Variants in MFGE8 observed in about 807,000 individuals in gnomAD.
The protein encoded by MFGE8 is lactadherin.
In MFGE8, 34 loss-of-function variants were observed where a neutral mutation model predicts 42.6. The observed-to-expected ratio is 0.80, with a 90% CI of 0.61 to 1.06. MFGE8 has a LOEUF of 1.06. MFGE8 is among the 50% of genes least tolerant of loss of function. MFGE8 has a pLI of 0.00. For missense variants in MFGE8, 510 were observed against 516.9 expected (o/e 0.99, Z 0.13); for synonymous variants, 230 against 214.8 (o/e 1.07, Z -0.62).
chr15:88,909,298 C>T (rs151095012), intron 2 of MFGE8, among the ~76,000 whole-genome samples: 471 of 152,380 alleles, frequency 3.1e-3, no homozygotes, highest in Middle Eastern at 0.02. Flanking sequence ...TCTCCCTTCT[C>T]CCCGAGCTCT....
intron 6 of MFGE8, among the ~76,000 whole-genome samples, chr15:88,901,325 A>ACACATT: frequency 1.6e-5 from 2 of 125,282 alleles, no homozygotes; most frequent in African/African-American, 2.7e-5. Flanking sequence ...ACATTCACAC[A>ACACATT]CACACACACA....
At chr15:88,912,778 A>T (rs1899028052) in intron 1 of MFGE8, 1 of 985,256 alleles carries the variant, frequency 1.0e-6, no homozygotes, top group Admixed American at 6.1e-5. Context: ...GGCACGGACA[A>T]TTGGGAGCGC....
Position 88,906,076 on chromosome 15 carries a change from G to C in MFGE8, c.541-175C>G, listed in dbSNP as rs1041031807. On this transcript the variant is annotated intron_variant, in intron 4 of 7. Transcript: ENST00000268150. This position sits in a 1 kb window ranked among gnomAD's most constrained non-coding sequence, Gnocchi z 4.2. The stretch of plus-strand genomic sequence containing the variant: ...GCAGCCTCTCCTTTGGCCACCCCAC[G>C]GCCCTCCACAAAGATTCTCCTCTCA... 4 of 691,220 alleles carry C rather than the reference G, an allele frequency of 5.8e-6. No individual in the cohort carries two copies. Among genetic ancestry groups the C allele is most frequent in the Non-Finnish European group, 1.0e-5 (4 of 400,972 alleles). The allele number at this position is 691,220 out of a possible 1,614,324, so 42.8% of individuals were successfully genotyped here. A position where few individuals can be genotyped will look rare whatever the true frequency, so the allele number is the denominator to read the frequency against.
rs1596185065 is a variant in MFGE8 at position 88,898,819 on chromosome 15, C to T, written c.*576G>A. The T allele has an allele frequency of 1.2e-5, 2 of 170,478 alleles. No homozygotes were observed. Among genetic ancestry groups the T allele is most frequent in the East Asian group, 1.5e-4 (1 of 6,654 alleles). The allele number at this position is 170,478 out of a possible 1,614,324, so 10.6% of individuals were successfully genotyped here. A position where few individuals can be genotyped will look rare whatever the true frequency, so the allele number is the denominator to read the frequency against. ...CTCGCTCCCTTTCTCCCCATAGACCCGCCCCACCCCCTTCTGTGTCGCTGG... is the reference window on the plus strand; with the variant it reads ...CTCGCTCCCTTTCTCCCCATAGACCTGCCCCACCCCCTTCTGTGTCGCTGG... On this transcript the variant is annotated 3_prime_UTR_variant, in exon 8 of 8. Transcript: ENST00000268150.
chr15:88,906,939 C>A lies in MFGE8; in HGVS notation c.388-161G>T, dbSNP rs1482328120. On this transcript the variant is annotated intron_variant, in intron 3 of 7. Coordinates refer to ENST00000268150, the MANE Select transcript of MFGE8 (RefSeq NM_005928.4). This position sits in a 1 kb window ranked among gnomAD's most constrained non-coding sequence, Gnocchi z 4.2. ...CACTGCCCGCACAAAGGGCTTTCTT[C>A]TTCTGCCCAGGCCTCCAGAGGCCTC... Among the ~76,000 whole-genome samples, 1 of 152,200 alleles carries A rather than the reference C, an allele frequency of 6.6e-6. No individual in the cohort carries two copies. Among genetic ancestry groups the A allele is most frequent in the African/African-American group, 2.4e-5 (1 of 41,448 alleles).
intron 2 of MFGE8, among the ~76,000 whole-genome samples, 156 bp downstream of exon 2, chr15:88,909,636 G>T (rs1488027469): frequency 6.6e-6 from 1 of 152,198 alleles, no homozygotes; most frequent in Non-Finnish European, 1.5e-5. Context: ...CTGAGGCTCT[G>T]TCTCTCTCTC....
chr15:88,909,901 G>A lies in MFGE8; in HGVS notation c.96C>T (p.Cys32=). 6.2e-7 allele frequency: 1 copy of A among 1,614,200 alleles called. No homozygotes were observed. The highest frequency in any genetic ancestry group is 8.5e-7 in the Non-Finnish European group (1 of 1,180,018). ...VALDICSKNP[C]HNGGLCEEIS... ...TCTCCTCGCATAAACCACCGTTGTG[G>A]CAGGGGTTTTTGGAACAGATATCTG... Residue 32 remains cysteine (C), a synonymous_variant, in exon 2 of 8, where the codon TGC becomes TGT. Coordinates refer to ENST00000268150, the MANE Select transcript of MFGE8 (RefSeq NM_005928.4).
intron 3 of MFGE8, 128 bp downstream of exon 3, chr15:88,907,067 T>A: frequency 8.2e-7 from 1 of 1,224,768 alleles, no homozygotes; most frequent in Non-Finnish European, 1.2e-6. Flanking sequence ...AGATACTTCA[T>A]CCATGGGAAC....
Position 88,899,651 on chromosome 15 carries a change from C to G in MFGE8, c.1026+5G>C, listed in dbSNP as rs375453177. 1 of 1,613,152 alleles carries G rather than the reference C, an allele frequency of 6.2e-7. No individual in the cohort carries two copies. Among genetic ancestry groups the G allele is most frequent in the Non-Finnish European group, 8.5e-7 (1 of 1,179,076 alleles). On this transcript the variant is annotated splice_donor_5th_base_variant and intron_variant, in intron 7 of 7. Coordinates refer to ENST00000268150, the MANE Select transcript of MFGE8 (RefSeq NM_005928.4). This position sits in a 1 kb window ranked among gnomAD's most constrained non-coding sequence, Gnocchi z 6.8. ...CAAAGGGTGGGCAGCTGGACAGACA[C>G]CCACCTTACTGCTGCCAGTCCTGGG...
At chr15:88,907,166 C>A in intron 3 of MFGE8, 29 bp downstream of exon 3, 1 of 1,601,424 alleles carries the variant, frequency 6.2e-7, no homozygotes, top group Non-Finnish European at 8.5e-7. Context: ...CTCTCCATTG[C>A]CCCGCCCCAG....
At chr15:88,908,316 C>T (rs761562844) in intron 2 of MFGE8, among the ~76,000 whole-genome samples, 4 of 152,148 alleles carry the variant, frequency 2.6e-5, no homozygotes, top group Non-Finnish European at 4.4e-5. Context: ...GGGAGGGGAA[C>T]GCGCAAAGTG....
chr15:88,910,068 G>A (rs1427045673), intron 1 of MFGE8, 145 bp from the exon 2 acceptor site: 7 of 1,073,270 alleles, frequency 6.5e-6, no homozygotes, highest in African/African-American at 1.6e-5. Flanking sequence ...CCCGTGTGCT[G>A]GATGGAGCCT....
Position 88,899,797 on chromosome 15 carries a change from G to A in MFGE8, c.885C>T (p.Ser295=), listed in dbSNP as rs1233811598. ...NDQWLQVDLG[S]SKEVTGIITQ... is the part of the protein sequence containing the mutation. ...TGATGATGCCTGTCACCTCCTTCGA[G>A]GAGCCCAGGTCCACCTACAGAAGAA... Residue 295 remains serine (S), a synonymous_variant, in exon 7 of 8, where the codon TCC becomes TCT. Coordinates refer to ENST00000268150, the MANE Select transcript of MFGE8 (RefSeq NM_005928.4). This position sits in a 1 kb window ranked among gnomAD's most constrained non-coding sequence, Gnocchi z 6.8. 4 of 1,613,946 alleles carry A rather than the reference G, an allele frequency of 2.5e-6. No homozygotes were observed. The Admixed American group carries it at 5.0e-5, about 20-fold the overall frequency.
In MFGE8 at chr15:88,913,242, C is replaced by G; in HGVS notation, c.73+5G>C. On this transcript the variant is annotated splice_donor_5th_base_variant and intron_variant, in intron 1 of 7. Transcript: ENST00000268150. ...GAGGGGCAGAGGGCGGCGCGATCCA[C>G]TCACCCAGGGCGACGAGGAGGCTGG... The G allele has an allele frequency of 1.3e-6, 2 of 1,504,156 alleles. No homozygotes were observed. Among genetic ancestry groups the G allele is most frequent in the Non-Finnish European group, 1.8e-6 (2 of 1,134,204 alleles). The allele number at this position is 1,504,156 out of a possible 1,614,324, so 93.2% of individuals were successfully genotyped here.
At chr15:88,901,334 CAT>C (rs1391878011) in intron 6 of MFGE8, among the ~76,000 whole-genome samples, 10 of 152,172 alleles carry the variant, frequency 6.6e-5, no homozygotes, top group South Asian at 2.1e-4. Flanking sequence ...CACACACACA[CAT>C]ACACACACAC....
Position 88,905,667 on chromosome 15 carries a change from G to T in MFGE8, c.685+90C>A. 6.4e-7 allele frequency: 1 copy of T among 1,567,808 alleles called. No homozygotes were observed. On this transcript the variant is annotated intron_variant, in intron 5 of 7. Coordinates refer to ENST00000268150, the MANE Select transcript of MFGE8 (RefSeq NM_005928.4). The surrounding 1 kb of genome is among the most constrained non-coding windows in gnomAD (Gnocchi z 6.6). Reference sequence around the variant, plus strand: ...CCGTGCCTTGTTGCTGCCCTACCTAGCTCAGTTTGGCTGAGAAAAGAGGCA... The same window carrying T: ...CCGTGCCTTGTTGCTGCCCTACCTATCTCAGTTTGGCTGAGAAAAGAGGCA...
In MFGE8 at chr15:88,909,822, T is replaced by TA; in HGVS notation, c.174dup (p.Lys59Ter). 6.2e-7 allele frequency: 1 copy of TA among 1,614,166 alleles called. No homozygotes were observed. The highest frequency in any genetic ancestry group is 8.5e-7 in the Non-Finnish European group (1 of 1,180,000). On this transcript the variant is annotated frameshift_variant, in exon 2 of 8. Transcript: ENST00000268150. LOFTEE classifies it high-confidence loss of function. ...TCACAGTGGTTGCCCGCGTAGCCCTTAAGGCACGTGCAGGTGTACGAGGGG... is the reference window on the plus strand; with the variant it reads ...TCACAGTGGTTGCCCGCGTAGCCCTTAAAGGCACGTGCAGGTGTACGAGGGG...
chr15:88,905,946 A>T lies in MFGE8; in HGVS notation c.541-45T>A, dbSNP rs1335386769. The T allele has an allele frequency of 6.2e-7, 1 of 1,611,266 alleles. No homozygotes were observed. On this transcript the variant is annotated intron_variant, in intron 4 of 7. Coordinates refer to ENST00000268150, the MANE Select transcript of MFGE8 (RefSeq NM_005928.4). The surrounding 1 kb of genome is among the most constrained non-coding windows in gnomAD (Gnocchi z 6.6). ...ACTGGAGAAGGGGGTCCATCTGAGC[A>T]GTCCCCCTCCCTGGGGTTACCTCAT... is the stretch of plus-strand genomic sequence containing the variant.
chr15:88,899,268 G>C lies in MFGE8; in HGVS notation c.*127C>G, dbSNP rs1040676628. ...AAGAGGGAGGGAGGGGTGACTGTGTGGTGGTGCTGCCTCTGAACACCCTCC... is the reference window on the plus strand; with the variant it reads ...AAGAGGGAGGGAGGGGTGACTGTGTCGTGGTGCTGCCTCTGAACACCCTCC... On this transcript the variant is annotated 3_prime_UTR_variant, in exon 8 of 8. Transcript: ENST00000268150. This position sits in a 1 kb window ranked among gnomAD's most constrained non-coding sequence, Gnocchi z 6.8. 16 of 1,274,928 alleles carry C rather than the reference G, an allele frequency of 1.3e-5. No individual in the cohort carries two copies. Among genetic ancestry groups the C allele is most frequent in the Admixed American group, 9.8e-5 (5 of 51,040 alleles). 79.0% of individuals were successfully genotyped at this position (1,274,928 alleles called of 1,614,324 possible). A position where few individuals can be genotyped will look rare whatever the true frequency, so the allele number is the denominator to read the frequency against.
Sources: gnomAD v4.1 joint callset for allele counts (sites outside exome capture counted in the v4.1 genomes callset) on GRCh38, gnomAD v4.1.1 for gene constraint, Gnocchi (gnomAD v3.1) non-coding constraint, MANE v1.5 for transcripts, NCBI Gene and HGNC (gene_info 2026-07-23, HGNC 2026-07-21) for gene names.